RFT1: variants seen among roughly 807,000 people sequenced by gnomAD.
The protein encoded by RFT1 is RFT1 glycolipid translocator homolog, also known as man(5)GlcNAc(2)-PP-dolichol translocation protein RFT1.
RFT1 carries 43 observed loss-of-function variants against 62.2 expected under a neutral mutation model. The ratio of observed to expected loss-of-function variants is 0.69; its 90% confidence interval spans 0.54 to 0.89. The LOEUF is 0.89. Ranked by LOEUF, RFT1 falls within the 40% of genes least tolerant of loss-of-function variation. The pLI is 0.00. For synonymous variants in RFT1, 262 were observed against 264.6 expected (o/e 0.99, Z 0.10); for missense variants, 605 against 649.9 (o/e 0.93, Z 0.75).
chr3:53,105,603 T>C (rs1701446402), intron 9 of RFT1, 70 bp downstream of exon 9: 3 of 1,540,526 alleles, frequency 1.9e-6, no homozygotes, highest in African/African-American at 2.7e-5. Flanking sequence ...AACAGACTGC[T>C]TCACACTCCT....
At chr3:53,083,543 G>C (rs1700800365), downstream of RFT1, among the ~76,000 whole-genome samples, 1 of 151,018 alleles carries the variant, frequency 6.6e-6, no homozygotes, top group African/African-American at 2.4e-5. Context: ...GTCGCAGGTG[G>C]ATTTCTCCAG....
chr3:53,104,144 A>G, intron 9 of RFT1, 47 bp from the exon 10 acceptor site: 3 of 1,605,378 alleles, frequency 1.9e-6, no homozygotes, highest in Non-Finnish European at 2.6e-6. Context: ...CATGAGCTGA[A>G]GAAAACCTTC....
At chr3:53,075,149 C>G in the RFT1 span, among the ~76,000 whole-genome samples, 1 of 152,234 alleles carries the variant, frequency 6.6e-6, no homozygotes, top group Non-Finnish European at 1.5e-5. Context: ...CTCAGCTCCA[C>G]TCCCTTCCCT....
chr3:53,098,134 C>T (rs1464826252), intron 11 of RFT1, among the ~76,000 whole-genome samples: 4 of 152,208 alleles, frequency 2.6e-5, no homozygotes, highest in East Asian at 1.9e-4. Flanking sequence ...CACAGTGCTC[C>T]GTGTCGTTTT....
the RFT1 span, among the ~76,000 whole-genome samples, chr3:53,067,310 C>G: frequency 6.6e-6 from 1 of 152,166 alleles, no homozygotes; most frequent in East Asian, 1.9e-4. Context: ...GATGGCGCCC[C>G]ACTGCACTAC....
the RFT1 span, among the ~76,000 whole-genome samples, chr3:53,073,959 T>A: frequency 2.0e-5 from 3 of 152,174 alleles, no homozygotes; most frequent in Non-Finnish European, 2.9e-5. Flanking sequence ...TAGCACTAAT[T>A]GGACGACTGG....
intron 10 of RFT1, among the ~76,000 whole-genome samples, chr3:53,101,524 C>T (rs1701313481): frequency 6.6e-6 from 1 of 152,172 alleles, no homozygotes; most frequent in African/African-American, 2.4e-5. Flanking sequence ...GTTTTGTGTC[C>T]ATTTGGGGAA....
intron 10 of RFT1, among the ~76,000 whole-genome samples, chr3:53,101,159 AC>A (rs1387665975): frequency 6.6e-6 from 1 of 152,218 alleles, no homozygotes; most frequent in East Asian, 1.9e-4. Context: ...CCGACGCTCA[AC>A]AAAAAACCGT....
chr3:53,083,004 T>C, the RFT1 span, among the ~76,000 whole-genome samples: 12 of 151,694 alleles, frequency 7.9e-5, no homozygotes, highest in Middle Eastern at 3.4e-3. Flanking sequence ...AAGACCAGCC[T>C]GGCCAAAATG....
At chr3:53,107,350 G>C (rs531526149) in intron 7 of RFT1, among the ~76,000 whole-genome samples, 1 of 152,018 alleles carries the variant, frequency 6.6e-6, no homozygotes, top group African/African-American at 2.4e-5. Context: ...TGTTAGCCAG[G>C]ATGGTCTCGA....
chr3:53,085,627 C>T (rs1000780319), downstream of RFT1: 1 of 152,218 alleles, frequency 6.6e-6, no homozygotes, highest in Non-Finnish European at 1.5e-5. Flanking sequence ...ATAGGTTCCA[C>T]AAGCTGGGGG....
Position 53,126,130 on chromosome 3 carries a change from T to C in RFT1, c.64-136A>G, listed in dbSNP as rs76882286. 3.2e-5 allele frequency: 22 copies of C among 678,622 alleles called. No homozygotes were observed. The African/African-American group carries it at 3.6e-4, about 11-fold the overall frequency. The allele number at this position is 678,622 out of a possible 1,614,324, so 42.0% of individuals were successfully genotyped here. On this transcript the variant is annotated intron_variant, in intron 1 of 12. Coordinates refer to ENST00000296292, the MANE Select transcript of RFT1 (RefSeq NM_052859.4). The stretch of plus-strand genomic sequence containing the variant: ...CAGCTTTTTCATGGAGACTCTCCTC[T>C]AAGACGCCCAACCTGTCTGCATTTC...
intron 6 of RFT1, 142 bp downstream of exon 6, chr3:53,119,742 C>G: frequency 1.2e-6 from 1 of 811,000 alleles, no homozygotes; most frequent in Non-Finnish European, 1.9e-6. Flanking sequence ...AAACCCTGGC[C>G]TGGCATAGAG....
intron 6 of RFT1, among the ~76,000 whole-genome samples, chr3:53,117,046 A>G (rs969026667): frequency 1.6e-4 from 24 of 152,250 alleles, no homozygotes; most frequent in Admixed American, 1.2e-3. Context: ...GTCTAAAGCT[A>G]GTCCCCAGCA....
intron 7 of RFT1, among the ~76,000 whole-genome samples, chr3:53,108,389 CTTT>C (rs60743696): frequency 1.9e-4 from 23 of 120,450 alleles, no homozygotes; most frequent in African/African-American, 3.6e-4. Flanking sequence ...GCTTTCATAT[CTTT>C]TTTTTTTTTT....
chr3:53,067,019 G>C, the RFT1 span, among the ~76,000 whole-genome samples: 1 of 152,188 alleles, frequency 6.6e-6, no homozygotes, highest in African/African-American at 2.4e-5. Flanking sequence ...ACAGGGCAGC[G>C]TGGAGGAATC....
At chr3:53,068,926 C>T in the RFT1 span, among the ~76,000 whole-genome samples, 4 of 152,096 alleles carry the variant, frequency 2.6e-5, no homozygotes, top group Admixed American at 6.6e-5. Context: ...GCTTTGTGTT[C>T]GGTGACATTT....
At position 53,092,412 on chromosome 3, in the gene RFT1, A is replaced by G; in HGVS notation, c.1415T>C (p.Leu472Pro). 1 of 1,607,942 alleles carries G rather than the reference A, an allele frequency of 6.2e-7. No homozygotes were observed. Residue 472 changes from leucine to proline, a missense_variant, in exon 12 of 13, where the codon CTC becomes CCC. Leu to Pro is a moderately conservative substitution (Grantham distance 98, BLOSUM62 -3). Transcript: ENST00000296292. The part of the protein sequence containing the change: ...LAGLHLSPVL[L>P]GTFALSGGVT... Reference sequence around the variant, plus strand: ...CCCACCACTGAGGGCAAATGTCCCGAGCAGGACTGGCGATAGGTGCAGGCC... The same window carrying G: ...CCCACCACTGAGGGCAAATGTCCCGGGCAGGACTGGCGATAGGTGCAGGCC...
chr3:53,092,323 G>A (rs376688835), intron 12 of RFT1, 46 bp downstream of exon 12: 91 of 1,575,786 alleles, frequency 5.8e-5, no homozygotes, highest in Non-Finnish European at 7.2e-5. Flanking sequence ...GAGAGACAGC[G>A]GGGCAGCTGC....
Sources: gnomAD v4.1 joint callset for allele counts (sites outside exome capture counted in the v4.1 genomes callset) on GRCh38, gnomAD v4.1.1 for gene constraint, MANE v1.5 for transcripts, NCBI Gene and HGNC (gene_info 2026-07-23, HGNC 2026-07-21) for gene names.